PLTP: variants seen among roughly 807,000 people sequenced by gnomAD.
PLTP encodes BPI fold containing family E.
PLTP carries 43 observed loss-of-function variants against 54.1 expected under a neutral mutation model. That is an observed-to-expected ratio of 0.79 (90% CI 0.62 to 1.02). The LOEUF is 1.02. PLTP is among the 50% of genes least tolerant of loss of function. The pLI is 0.00. For missense variants in PLTP, 604 were observed against 645.9 expected, an observed-to-expected ratio of 0.94 and a Z score of 0.70; for synonymous variants, 263 against 264.6, an observed-to-expected ratio of 0.99 and a Z score of 0.06.
chr20:45,907,377 T>G (rs1318972786), intron 7 of PLTP, among the ~76,000 whole-genome samples: 2 of 151,424 alleles, frequency 1.3e-5, no homozygotes, highest in East Asian at 3.9e-4. Context: ...GAATTCATGT[T>G]AATTGAGCAC....
Position 45,899,827 on chromosome 20 carries a change from C to G in PLTP, c.1218+9G>C. The G allele has an allele frequency of 6.8e-7, 1 of 1,478,190 alleles. No homozygotes were observed. The highest frequency in any genetic ancestry group is 1.2e-5 in the South Asian group (1 of 82,538). The allele number at this position is 1,478,190 out of a possible 1,614,324, so 91.6% of individuals were successfully genotyped here. A position where few individuals can be genotyped will look rare whatever the true frequency, so the allele number is the denominator to read the frequency against. Reference sequence around the variant, plus strand: ...ACCCAGCCCAGCCCACCCACCCTTCCCCACTCACAGCCAGCGACTCCAGTG... The same window carrying G: ...ACCCAGCCCAGCCCACCCACCCTTCGCCACTCACAGCCAGCGACTCCAGTG... On this transcript the variant is annotated intron_variant, in intron 13 of 15. Transcript: ENST00000372431.
chr20:45,907,870 A>C lies in PLTP; in HGVS notation c.520T>G (p.Ser174Ala). 6.3e-7 allele frequency: 1 copy of C among 1,594,464 alleles called. No individual in the cohort carries two copies. Among genetic ancestry groups the C allele is most frequent in the Non-Finnish European group, 8.5e-7 (1 of 1,171,196 alleles). The change falls in exon 6 of 16, where the codon TCA becomes GCA. Residue 174 changes from serine to alanine, a missense_variant. Coordinates refer to ENST00000372431, the MANE Select transcript of PLTP (RefSeq NM_006227.4). The part of the protein sequence containing the change: ...VYDFLSTFIT[S>A]GMRFLLNQQI... Reference sequence around the variant, plus strand: ...TGGTTGAGGAGGAAGCGCATCCCTGAGGTGATGAACGTGGAGAGAAAATCA... The same window carrying C: ...TGGTTGAGGAGGAAGCGCATCCCTGCGGTGATGAACGTGGAGAGAAAATCA...
rs751930745 is a variant in PLTP, at chr20:45,902,329, G to A, written c.1113C>T (p.Ala371=). The A allele has an allele frequency of 1.2e-6, 2 of 1,614,168 alleles. No individual in the cohort carries two copies. Among genetic ancestry groups the A allele is most frequent in the Non-Finnish European group, 1.7e-6 (2 of 1,180,046 alleles). Residue 371 remains alanine, a synonymous_variant, in exon 12 of 16, where the codon GCC becomes GCT. Coordinates refer to ENST00000372431, the MANE Select transcript of PLTP (RefSeq NM_006227.4). ...EVQLSSMTMD[A]RLSAKMALRG... ...GGAGAGCCATCTTGGCGCTGAGACG[G>A]GCGTCCTGCAGGAACATGGGGAGGA...
chr20:45,903,043 C>T (rs151155732), intron 10 of PLTP, among the ~76,000 whole-genome samples: 1,653 of 152,172 alleles, frequency 0.011, 20 homozygotes, highest in South Asian at 0.023. Context: ...GCTGAGATTA[C>T]AGGCACCTGC....
Position 45,908,004 on chromosome 20 carries a change from C to A in PLTP, c.486-100G>T, listed in dbSNP as rs1010647315. 4.0e-5 allele frequency: 42 copies of A among 1,057,440 alleles called. No individual in the cohort carries two copies. In the African/African-American group the frequency reaches 5.7e-4, roughly 14 times the overall value. 65.5% of individuals were successfully genotyped at this position (1,057,440 alleles called of 1,614,324 possible). A position where few individuals can be genotyped will look rare whatever the true frequency, so the allele number is the denominator to read the frequency against. On this transcript the variant is annotated intron_variant, in intron 5 of 15. Transcript: ENST00000372431. ...CTAGGGAAATAGTGGCAGTAGGAGT[C>A]CTCAGCTTCAGCCTGAATAACAGCT...
At chr20:45,903,301 A>G (rs925836203) in intron 10 of PLTP, among the ~76,000 whole-genome samples, 2 of 152,170 alleles carry the variant, frequency 1.3e-5, no homozygotes, top group African/African-American at 4.8e-5. Context: ...CTCAGCTCAA[A>G]TTATCCTGCC....
rs368148295 is a variant in PLTP at position 45,904,788 on chromosome 20, G to A, written c.942+12C>T. 5.5e-5 allele frequency: 89 copies of A among 1,613,818 alleles called. No individual in the cohort carries two copies. The African/African-American group carries it at 8.0e-4, about 15-fold the overall frequency. On this transcript the variant is annotated intron_variant, in intron 10 of 15. Coordinates refer to ENST00000372431, the MANE Select transcript of PLTP (RefSeq NM_006227.4). ...TGCAGGTGGCCCTATCCCTGCCCCC[G>A]CCAGCACTCACCAGCAGGACAATGC...
In PLTP at chr20:45,907,731, C is replaced by A; in HGVS notation, c.574G>T (p.Gly192Trp). The A allele has an allele frequency of 6.2e-7, 1 of 1,613,848 alleles. No individual in the cohort carries two copies. The highest frequency in any genetic ancestry group is 8.5e-7 in the Non-Finnish European group (1 of 1,179,966). ...QQICPVLYHA[G>W]TVLLNSLLDT... is the part of the protein sequence containing the mutation. ...AGGAGGGAGTTGAGCAGGACCGTCC[C>A]TGCGTGGTAGAGGACAGGGCAGATC... The change falls in exon 7 of 16, where the codon GGG (glycine) becomes TGG (tryptophan). Residue 192 changes from glycine to tryptophan, a missense_variant. Coordinates refer to ENST00000372431, the MANE Select transcript of PLTP (RefSeq NM_006227.4).
intron 3 of PLTP, 161 bp downstream of exon 3, chr20:45,910,991 T>G: frequency 1.3e-6 from 2 of 1,532,192 alleles, no homozygotes; most frequent in Non-Finnish European, 1.8e-6. Flanking sequence ...GGCTTGGCCT[T>G]TATCTTTTCG....
chr20:45,900,998 G>T (rs2083179363), intron 12 of PLTP, among the ~76,000 whole-genome samples: 1 of 152,138 alleles, frequency 6.6e-6, no homozygotes, highest in Non-Finnish European at 1.5e-5. Flanking sequence ...CACACAGCTG[G>T]AAAGTGTCAG....
In PLTP at chr20:45,902,571, C is replaced by T. The variant is rs1261824808; in HGVS notation, c.976G>A (p.Glu326Lys). The change falls in exon 11 of 16, where the codon GAG becomes AAG. Residue 326 changes from glutamate to lysine, a missense_variant. By Grantham distance (56) the Glu-to-Lys change is moderately conservative. Coordinates refer to ENST00000372431, the MANE Select transcript of PLTP (RefSeq NM_006227.4). ...PAVIDSPLKL[E>K]LRVLAPPRCT... ...CGCGGTGGGGCCAGGACCCGCAGCT[C>T]CAGCTTCAATGGGGAGTCAATCACT... The T allele has an allele frequency of 1.9e-6, 3 of 1,613,506 alleles. No individual in the cohort carries two copies. The highest frequency in any genetic ancestry group is 1.1e-5 in the South Asian group (1 of 91,036).
At chr20:45,907,580 C>G in intron 7 of PLTP, 112 bp downstream of exon 7, 2 of 1,010,464 alleles carry the variant, frequency 2.0e-6, no homozygotes, top group Non-Finnish European at 3.0e-6. Flanking sequence ...AACAAGTCAG[C>G]TCCAGGGGCC....
In PLTP at chr20:45,907,982, G is replaced by A. The variant is rs889497049; in HGVS notation, c.486-78C>T. Reference sequence around the variant, plus strand: ...CAGGTCCAGGAGAAATCAGTGACTAGGGAAATAGTGGCAGTAGGAGTCCTC... The same window carrying A: ...CAGGTCCAGGAGAAATCAGTGACTAAGGAAATAGTGGCAGTAGGAGTCCTC... On this transcript the variant is annotated intron_variant, in intron 5 of 15. Transcript: ENST00000372431. 4.8e-6 allele frequency: 6 copies of A among 1,257,650 alleles called. No individual in the cohort carries two copies. The African/African-American group carries it at 8.9e-5, about 19-fold the overall frequency. The allele number at this position is 1,257,650 out of a possible 1,614,324, so 77.9% of individuals were successfully genotyped here.
intron 13 of PLTP, 47 bp from the exon 14 acceptor site, chr20:45,899,732 T>G: frequency 6.2e-7 from 1 of 1,612,664 alleles, no homozygotes; most frequent in Non-Finnish European, 8.5e-7. Context: ...AGGGTTGGGT[T>G]TGCCTTTAGC....
Position 45,907,700 on chromosome 20 carries a change from G to T in PLTP, c.605C>A (p.Thr202Asn). 6.2e-7 allele frequency: 1 copy of T among 1,613,816 alleles called. No individual in the cohort carries two copies. Residue 202 changes from threonine to asparagine, a missense_variant, in exon 7 of 16, where the codon ACC becomes AAC. By Grantham distance (65) the Thr-to-Asn change is moderately conservative. Coordinates refer to ENST00000372431, the MANE Select transcript of PLTP (RefSeq NM_006227.4). ...ACCCGCCACCAACTCACCAGGCACG[G>T]TGTCCAGGAGGGAGTTGAGCAGGAC... is the stretch of plus-strand genomic sequence containing the variant. ...GTVLLNSLLD[T>N]VPVRSSVDEL...
intron 5 of PLTP, among the ~76,000 whole-genome samples, chr20:45,908,896 C>CTTAGATA (rs2083264092): frequency 6.6e-6 from 1 of 151,884 alleles, no homozygotes; most frequent in Non-Finnish European, 1.5e-5. Context: ...ATAGTCCTCA[C>CTTAGATA]AGTTACTCTT....
chr20:45,911,143 C>T lies in PLTP; in HGVS notation c.200+9G>A. The T allele has an allele frequency of 1.2e-6, 2 of 1,613,244 alleles. No individual in the cohort carries two copies. Among genetic ancestry groups the T allele is most frequent in the Non-Finnish European group, 1.7e-6 (2 of 1,179,218 alleles). ...CGCCCCGGATCGCGAGGCCCCGCCC[C>T]CCACTTACTCAGAGATGTTGTAGTA... On this transcript the variant is annotated intron_variant, in intron 3 of 15. Coordinates refer to ENST00000372431, the MANE Select transcript of PLTP (RefSeq NM_006227.4).
rs1329966068 is a variant in PLTP at position 45,911,407 on chromosome 20, G to A, written c.46C>T (p.His16Tyr). ...ALFLALLAGA[H>Y]AEFPGCKIRV... ...ATCTTGCAGCCTGGGAACTCTGCAT[G>A]TGCGCCTGCCAGCAGCGCTAGGAAG... Residue 16 changes from histidine to tyrosine, a missense_variant, in exon 2 of 16, where the codon CAT becomes TAT. Physicochemically the swap from His to Tyr is moderately conservative, Grantham distance 83 (BLOSUM62 2). Coordinates refer to ENST00000372431, the MANE Select transcript of PLTP (RefSeq NM_006227.4). 6.2e-7 allele frequency: 1 copy of A among 1,609,174 alleles called. No homozygotes were observed. The highest frequency in any genetic ancestry group is 1.7e-5 in the Admixed American group (1 of 60,022).
chr20:45,899,492 G>T lies in PLTP; in HGVS notation c.1329C>A (p.Asn443Lys), dbSNP rs781216590. ...GVQIPLPEGI[N>K]FVHEVVTNHA... is the part of the protein sequence containing the mutation. ...GGTTCGTCACCACCTCATGCACAAA[G>T]TTGATGCCCTCAGGTAGTGGGATCT... Residue 443 changes from asparagine to lysine, a missense_variant, in exon 15 of 16, where the codon AAC becomes AAA. Transcript: ENST00000372431. 1.9e-6 allele frequency: 3 copies of T among 1,614,110 alleles called. No homozygotes were observed. In the South Asian group the frequency reaches 3.3e-5, roughly 18 times the overall value.
Sources: allele counts gnomAD v4.1 joint callset (sites outside exome capture counted in the v4.1 genomes callset), GRCh38; gene constraint gnomAD v4.1.1; transcripts MANE v1.5; gene names NCBI Gene and HGNC (gene_info 2026-07-23, HGNC 2026-07-21).